Variants in DLGAP1 observed in about 807,000 individuals in gnomAD.
DLGAP1 encodes disks large-associated protein 1.
DLGAP1 carries 11 observed loss-of-function variants against 90.8 expected under a neutral mutation model. The ratio of observed to expected loss-of-function variants is 0.12; its 90% CI spans 0.08 to 0.20. DLGAP1 has a LOEUF of 0.20. Among genes scored for constraint, DLGAP1 ranks in the 10% least tolerant of loss-of-function variants. The probability of loss-of-function intolerance (pLI) is 1.00; values close to 1 mark genes in which losing one functional copy is unlikely to be tolerated. For synonymous variants in DLGAP1, 558 were observed against 540.7 expected (o/e 1.03, Z -0.44); for missense variants, 1,050 against 1,333.8 (o/e 0.79, Z 3.31).
At chr18:3,981,589 C>CT (rs2073730873) in intron 3 of DLGAP1, among the ~76,000 whole-genome samples, 1 of 152,160 alleles carries the variant, frequency 6.6e-6, no homozygotes, top group Non-Finnish European at 1.5e-5. Context: ...CCAGAAGGCT[C>CT]TATAACTAAG....
chr18:4,089,897 T>C (rs1363704851), intron 2 of DLGAP1, among the ~76,000 whole-genome samples: 1 of 152,030 alleles, frequency 6.6e-6, no homozygotes, highest in African/African-American at 2.4e-5. Flanking sequence ...CACAAAAAAT[T>C]AGCCAGGTGC....
At chr18:3,579,723 T>C (rs1317896631) in intron 8 of DLGAP1, among the ~76,000 whole-genome samples, 1 of 152,222 alleles carries the variant, frequency 6.6e-6, no homozygotes, top group Admixed American at 6.5e-5. Context: ...GGAATCAGTT[T>C]GATCTTATCT....
At chr18:3,771,905 A>G (rs533496666) in intron 5 of DLGAP1, among the ~76,000 whole-genome samples, 190 of 152,150 alleles carry the variant, frequency 1.2e-3, no homozygotes, top group Non-Finnish European at 2.1e-3. Flanking sequence ...CTAACGCTGA[A>G]AGAACATTCT....
At chr18:4,181,144 T>G (rs986018987) in intron 1 of DLGAP1, among the ~76,000 whole-genome samples, 5 of 152,194 alleles carry the variant, frequency 3.3e-5, no homozygotes, top group Admixed American at 6.5e-5. Flanking sequence ...ATAGAGTCCT[T>G]TGATCACATC....
At chr18:3,728,319 T>TAC (rs770734028) in intron 7 of DLGAP1, among the ~76,000 whole-genome samples, 5 of 143,866 alleles carry the variant, frequency 3.5e-5, no homozygotes, top group Non-Finnish European at 7.4e-5. Context: ...TATATATATA[T>TAC]ATATATATAC....
chr18:3,641,671 G>A (rs777277184), intron 7 of DLGAP1, among the ~76,000 whole-genome samples: 3 of 150,618 alleles, frequency 2.0e-5, no homozygotes, highest in Non-Finnish European at 4.4e-5. Context: ...TGGTTTTTCT[G>A]TAATAAATTC....
intron 8 of DLGAP1, among the ~76,000 whole-genome samples, chr18:3,581,510 T>G (rs2055507907): frequency 6.6e-6 from 1 of 151,896 alleles, no homozygotes; most frequent in East Asian, 1.9e-4. Context: ...CTGCCTTTCC[T>G]GACAGGTGGG....
chr18:3,682,316 C>T (rs2060550332), intron 7 of DLGAP1, among the ~76,000 whole-genome samples: 1 of 152,088 alleles, frequency 6.6e-6, no homozygotes, highest in South Asian at 2.1e-4. Context: ...AAGCAGATGC[C>T]AGCATCATGC....
At chr18:4,427,313 G>T (rs2083179316) in intron 1 of DLGAP1, among the ~76,000 whole-genome samples, 1 of 152,180 alleles carries the variant, frequency 6.6e-6, no homozygotes, top group Admixed American at 6.5e-5. Context: ...GGAGTTGGGA[G>T]GGGAGTTATG....
intron 5 of DLGAP1, among the ~76,000 whole-genome samples, chr18:3,798,286 G>A (rs1050018812): frequency 2.0e-5 from 3 of 152,236 alleles, no homozygotes; most frequent in Non-Finnish European, 4.4e-5. Context: ...AAAGGACAGA[G>A]ACACAAAAGC....
At chr18:4,173,304 T>C (rs1046578254) in intron 1 of DLGAP1, among the ~76,000 whole-genome samples, 1 of 152,172 alleles carries the variant, frequency 6.6e-6, no homozygotes, top group Non-Finnish European at 1.5e-5. Context: ...ATATATAGAC[T>C]TTCTTTACTA....
intron 1 of DLGAP1, among the ~76,000 whole-genome samples, chr18:4,416,819 G>A (rs958090964): frequency 2.0e-5 from 3 of 152,196 alleles, no homozygotes; most frequent in African/African-American, 7.2e-5. Context: ...TCTACAGTCA[G>A]AAGACCTGGG....
intron 5 of DLGAP1, among the ~76,000 whole-genome samples, chr18:3,783,743 TAAA>T (rs970329374): frequency 5.9e-5 from 9 of 152,176 alleles, no homozygotes; most frequent in African/African-American, 2.2e-4. Context: ...ATCGTACACT[TAAA>T]AAATGGGTGT....
intron 1 of DLGAP1, among the ~76,000 whole-genome samples, chr18:4,399,969 A>G (rs1403465679): frequency 6.6e-6 from 1 of 152,166 alleles, no homozygotes; most frequent in African/African-American, 2.4e-5. Context: ...CCCTGAGAGC[A>G]TCATTAATAA....
intron 1 of DLGAP1, among the ~76,000 whole-genome samples, chr18:4,335,657 G>A (rs1270798837): frequency 1.3e-5 from 2 of 152,134 alleles, no homozygotes; most frequent in Non-Finnish European, 2.9e-5. Flanking sequence ...TAACTCCAGG[G>A]CTTCACATCC....
intron 2 of DLGAP1, among the ~76,000 whole-genome samples, chr18:4,030,712 G>T (rs956340731): frequency 6.6e-6 from 1 of 152,182 alleles, no homozygotes; most frequent in Non-Finnish European, 1.5e-5. Context: ...CTTGAGCCCA[G>T]GAGTTCGAGA....
chr18:3,561,951 G>A (rs558660697), intron 9 of DLGAP1, among the ~76,000 whole-genome samples: 1 of 150,730 alleles, frequency 6.6e-6, no homozygotes, highest in African/African-American at 2.5e-5. Context: ...GAGGGTAACC[G>A]GGCACTGTGG....
At chr18:3,797,759 A>G (rs2066074337) in intron 5 of DLGAP1, among the ~76,000 whole-genome samples, 1 of 152,186 alleles carries the variant, frequency 6.6e-6, no homozygotes, top group Non-Finnish European at 1.5e-5. Context: ...TGTACTAGGG[A>G]AAACAATCTG....
chr18:4,381,648 C>T (rs930581314), intron 1 of DLGAP1, among the ~76,000 whole-genome samples: 1 of 151,956 alleles, frequency 6.6e-6, no homozygotes, highest in African/African-American at 2.4e-5. Context: ...GACATTTAAC[C>T]TTCCTCTCTC....
Sources: allele counts gnomAD v4.1 joint callset (sites outside exome capture counted in the v4.1 genomes callset), GRCh38; gene constraint gnomAD v4.1.1; transcripts MANE v1.5; gene names NCBI Gene and HGNC (gene_info 2026-07-23, HGNC 2026-07-21).